Variants in SDK1 observed in about 807,000 individuals in gnomAD.
SDK1 encodes protein sidekick-1.
A neutral mutation model predicts 245.5 loss-of-function variants in SDK1; 157 were observed. That is an observed-to-expected ratio of 0.64 (90% CI 0.56 to 0.73). SDK1 has a LOEUF of 0.73. SDK1 is among the 30% of genes least tolerant of loss of function. SDK1 has a pLI of 0.00. For missense variants in SDK1, 3,583 were observed against 3,002.3 expected (o/e 1.19, Z -4.52); for synonymous variants, 1,647 against 1,278.5 (o/e 1.29, Z -6.15).
chr7:3,752,484 C>T (rs1779800692), intron 4 of SDK1, among the ~76,000 whole-genome samples: 1 of 152,146 alleles, frequency 6.6e-6, no homozygotes, highest in Non-Finnish European at 1.5e-5. Context: ...TGACTTGTTA[C>T]TGAGCTTTGG....
At chr7:4,225,455 G>C (rs1048801884) in intron 40 of SDK1, among the ~76,000 whole-genome samples, 2 of 152,166 alleles carry the variant, frequency 1.3e-5, no homozygotes. Context: ...CGGGTGCCTG[G>C]GCTCAGCCTC....
rs6976828 is a variant in SDK1, at chr7:4,026,868, C to T, written c.2602+9516C>T. On this transcript the variant is annotated intron_variant, in intron 17 of 44. Transcript: ENST00000404826. This position sits in a 1 kb window ranked among gnomAD's most constrained non-coding sequence, Gnocchi z 4.1. ...CCACCCAGCGGTGTGCGGCCGGTGACTCTACCAGGTAACGAACTCACCGCT... is the reference window on the plus strand; with the variant it reads ...CCACCCAGCGGTGTGCGGCCGGTGATTCTACCAGGTAACGAACTCACCGCT... Among the ~76,000 whole-genome samples the T allele has an allele frequency of 1.3e-5, 2 of 152,138 alleles. No homozygotes were observed. Among genetic ancestry groups the T allele is most frequent in the Admixed American group, 1.3e-4 (2 of 15,280 alleles).
In SDK1 at chr7:3,682,936, G is replaced by A. The variant is rs576654421; in HGVS notation, c.713+40831G>A. ...TTTAGTAGAGACGGGGTTTCACCAT[G>A]TTGTCCAGGCTGGTCTGGAACTCCT... is the stretch of plus-strand genomic sequence containing the variant. On this transcript the variant is annotated intron_variant, in intron 4 of 44. Coordinates refer to ENST00000404826, the MANE Select transcript of SDK1 (RefSeq NM_152744.4). 1.7e-4 allele frequency among the ~76,000 whole-genome samples: 26 copies of A among 152,248 alleles called. 1 individual carries two copies. Among genetic ancestry groups the A allele is most frequent in the African/African-American group, 6.3e-4 (26 of 41,554 alleles).
intron 4 of SDK1, among the ~76,000 whole-genome samples, chr7:3,700,979 A>T (rs947585971): frequency 3.3e-5 from 5 of 152,172 alleles, no homozygotes; most frequent in African/African-American, 7.2e-5. Context: ...GAGAGCGGAC[A>T]TCTTGTGGCT....
intron 13 of SDK1, among the ~76,000 whole-genome samples, chr7:3,980,913 C>T (rs36112611): frequency 0.47 from 71,576 of 151,376 alleles, 18,108 homozygotes; most frequent in South Asian, 0.69. Flanking sequence ...GCACTCCAGC[C>T]TGAGCTACAG....
At position 3,616,594 on chromosome 7, in the gene SDK1, C is replaced by G. The variant is rs866428673; in HGVS notation, c.299-2486C>G. 1.3e-5 allele frequency among the ~76,000 whole-genome samples: 2 copies of G among 152,016 alleles called. 1 individual carries two copies. Among genetic ancestry groups the G allele is most frequent in the South Asian group, 4.2e-4 (2 of 4,784 alleles). On this transcript the variant is annotated intron_variant, in intron 1 of 44. Transcript: ENST00000404826. Reference sequence around the variant, plus strand: ...TTAAATCTCCTACTGTAAGTTCTTGCCGTACTCATAGATGCAATTTAATAT... The same window carrying G: ...TTAAATCTCCTACTGTAAGTTCTTGGCGTACTCATAGATGCAATTTAATAT...
In SDK1 at chr7:4,232,407, C is replaced by CTTTTTTTTTTTTTTTTTTTT. The variant is rs201396862; in HGVS notation, c.5828-845_5828-844insTTTTTTTTTTTTTTTTTTTT. On this transcript the variant is annotated intron_variant, in intron 40 of 44. Transcript: ENST00000404826. Reference sequence around the variant, plus strand: ...TTCTTTTTTTCTTTTCTTTTCTTTTCTTTCTTTTTTTTTTTTTTTTGTTAT... The same window carrying CTTTTTTTTTTTTTTTTTTTT: ...TTCTTTTTTTCTTTTCTTTTCTTTTCTTTTTTTTTTTTTTTTTTTTTTTCTTTTTTTTTTTTTTTTGTTAT... Among the ~76,000 whole-genome samples the CTTTTTTTTTTTTTTTTTTTT allele has an allele frequency of 8.5e-4, 62 of 73,156 alleles. 1 individual carries two copies. Among genetic ancestry groups the CTTTTTTTTTTTTTTTTTTTT allele is most frequent in the Non-Finnish European group, 1.1e-3 (43 of 38,636 alleles). 48.0% of individuals were successfully genotyped at this position (73,156 alleles called of 152,430 possible).
intron 1 of SDK1, among the ~76,000 whole-genome samples, chr7:3,367,595 C>G (rs1781124455): frequency 6.6e-6 from 1 of 152,044 alleles, no homozygotes; most frequent in Non-Finnish European, 1.5e-5. Flanking sequence ...TTTAATTTTT[C>G]TGTATTTGTG....
chr7:3,869,550 G>A (rs1210311691), intron 5 of SDK1, among the ~76,000 whole-genome samples: 1 of 152,202 alleles, frequency 6.6e-6, no homozygotes, highest in Non-Finnish European at 1.5e-5. Context: ...GCTTCCTGCA[G>A]CGGCCACCCT....
chr7:3,352,758 G>A (rs1289796996), intron 1 of SDK1, among the ~76,000 whole-genome samples: 1 of 151,968 alleles, frequency 6.6e-6, no homozygotes, highest in Non-Finnish European at 1.5e-5. Flanking sequence ...TGGTGACCTA[G>A]GGAAACCCTT....
chr7:3,340,955 T>C (rs535023976), intron 1 of SDK1, among the ~76,000 whole-genome samples: 2 of 152,254 alleles, frequency 1.3e-5, no homozygotes, highest in Admixed American at 1.3e-4. Flanking sequence ...ACACCACTTT[T>C]ATTCAGTCTC....
intron 1 of SDK1, among the ~76,000 whole-genome samples, chr7:3,565,084 G>C (rs1779867913): frequency 6.6e-6 from 1 of 151,764 alleles, no homozygotes; most frequent in East Asian, 1.9e-4. Context: ...ACAGGAAGTT[G>C]CTACTACTGT....
At chr7:4,262,104 A>C (rs1245608143) in intron 44 of SDK1, among the ~76,000 whole-genome samples, 1 of 119,704 alleles carries the variant, frequency 8.4e-6, no homozygotes. Flanking sequence ...ATCTCGGCTC[A>C]CTGCAACCTC....
chr7:3,607,596 A>G (rs987705836), intron 1 of SDK1, among the ~76,000 whole-genome samples: 1 of 152,238 alleles, frequency 6.6e-6, no homozygotes, highest in Admixed American at 6.5e-5. Context: ...ACTTCTCTAG[A>G]ATTCTGAAGT....
intron 1 of SDK1, among the ~76,000 whole-genome samples, chr7:3,567,475 C>T (rs1311413978): frequency 2.6e-5 from 4 of 152,160 alleles, no homozygotes; most frequent in South Asian, 2.1e-4. Flanking sequence ...TGTGTCTTGA[C>T]GTTTAGACTA....
chr7:3,880,549 T>C (rs956537378), intron 5 of SDK1, among the ~76,000 whole-genome samples: 1 of 145,234 alleles, frequency 6.9e-6, no homozygotes, highest in Non-Finnish European at 1.5e-5. Context: ...TGGTCTTTTT[T>C]TTTTTTTTTT....
intron 2 of SDK1, among the ~76,000 whole-genome samples, chr7:3,622,089 T>G (rs1583237434): frequency 6.6e-6 from 1 of 152,196 alleles, no homozygotes; most frequent in African/African-American, 2.4e-5. Context: ...TGAGGGTAGG[T>G]ATGTTAAATG....
intron 14 of SDK1, among the ~76,000 whole-genome samples, chr7:3,991,034 C>G (rs1199252369): frequency 6.6e-6 from 1 of 152,214 alleles, no homozygotes; most frequent in Middle Eastern, 3.2e-3. Flanking sequence ...GATCAGTGTC[C>G]ACTGCGAACA....
chr7:4,100,174 C>T (rs535991133), intron 22 of SDK1, among the ~76,000 whole-genome samples: 162 of 152,310 alleles, frequency 1.1e-3, no homozygotes, highest in African/African-American at 3.6e-3. Flanking sequence ...GGAGTGTCAA[C>T]GTCCCTGTTT....
Sources: allele counts gnomAD v4.1 joint callset (sites outside exome capture counted in the v4.1 genomes callset), GRCh38; gene constraint gnomAD v4.1.1; non-coding constraint Gnocchi (gnomAD v3.1); transcripts MANE v1.5; gene names NCBI Gene and HGNC (gene_info 2026-07-23, HGNC 2026-07-21).